Variants in TAX1BP1 observed in about 807,000 individuals in gnomAD.
TAX1BP1 encodes the protein tax1-binding protein 1.
A neutral mutation model predicts 97.7 loss-of-function variants in TAX1BP1; 62 were observed. The ratio of observed to expected loss-of-function variants is 0.63; its 90% CI spans 0.52 to 0.78. TAX1BP1 has a LOEUF of 0.78. TAX1BP1 is among the 30% of genes least tolerant of loss of function. The pLI is 0.00. For missense variants in TAX1BP1, 867 were observed against 916.1 expected, an observed-to-expected ratio of 0.95 and a Z score of 0.69; for synonymous variants, 340 against 304.2, an observed-to-expected ratio of 1.12 and a Z score of -1.23.
At chr7:27,818,199 G>A (rs181006244) in intron 15 of TAX1BP1, among the ~76,000 whole-genome samples, 1 of 152,152 alleles carries the variant, frequency 6.6e-6, no homozygotes, top group Non-Finnish European at 1.5e-5. Context: ...TTTCTGATCT[G>A]TGTGCTTTGC....
chr7:27,823,368 T>C (rs1791051587), intron 15 of TAX1BP1, among the ~76,000 whole-genome samples: 2 of 152,250 alleles, frequency 1.3e-5, no homozygotes, highest in African/African-American at 4.8e-5. Flanking sequence ...ACTCTTGAAC[T>C]AAAGTAATAA....
At chr7:27,796,296 T>C (rs1448049184) in intron 12 of TAX1BP1, 77 bp downstream of exon 12, 10 of 1,188,252 alleles carry the variant, frequency 8.4e-6, no homozygotes, top group East Asian at 7.4e-5. Context: ...TTTCAATTGA[T>C]TGGTATCTTT....
chr7:27,808,206 C>T (rs1430220935), intron 13 of TAX1BP1, among the ~76,000 whole-genome samples: 6 of 152,162 alleles, frequency 3.9e-5, no homozygotes, highest in Admixed American at 2.0e-4. Flanking sequence ...GGTTCTCCCC[C>T]TCTCTTTCCC....
chr7:27,785,008 T>A lies in TAX1BP1; in HGVS notation c.613-155T>A, dbSNP rs147943434. Among the ~76,000 whole-genome samples, 1,277 of 152,294 alleles carry A rather than the reference T, an allele frequency of 8.4e-3. 13 individuals carry two copies. Among genetic ancestry groups the A allele is most frequent in the African/African-American group, 0.029 (1,200 of 41,542 alleles). On this transcript the variant is annotated intron_variant, in intron 5 of 16. Transcript: ENST00000396319. ...TATATGAAAATTTAAATATATGTTA[T>A]CATTTCAAGTTTTATAGTCTTAGCT... is the stretch of plus-strand genomic sequence containing the variant.
At chr7:27,777,520 C>G (rs75344496) in intron 5 of TAX1BP1, among the ~76,000 whole-genome samples, 11,729 of 152,198 alleles carry the variant, frequency 0.077, 650 homozygotes, top group Middle Eastern at 0.12. Context: ...AGGCACTGTT[C>G]CCTGTAGTCC....
intron 5 of TAX1BP1, chr7:27,772,676 A>G (rs1176880145): frequency 6.6e-6 from 1 of 152,106 alleles, no homozygotes; most frequent in Admixed American, 6.6e-5. Context: ...GATAATTACA[A>G]TTCTTTAACT....
chr7:27,795,632 A>C (rs1583716669), intron 11 of TAX1BP1, among the ~76,000 whole-genome samples: 1 of 152,160 alleles, frequency 6.6e-6, no homozygotes, highest in East Asian at 1.9e-4. Flanking sequence ...AGCTCCCTGC[A>C]GCCTCTGCCT....
intron 1 of TAX1BP1, among the ~76,000 whole-genome samples, chr7:27,742,634 A>AT (rs1175523751): frequency 6.6e-6 from 1 of 152,076 alleles, no homozygotes; most frequent in African/African-American, 2.4e-5. Flanking sequence ...TACCCGGCAA[A>AT]TTTTTGTATT....
chr7:27,806,571 G>A (rs929459911), intron 13 of TAX1BP1, among the ~76,000 whole-genome samples: 1 of 152,150 alleles, frequency 6.6e-6, no homozygotes, highest in Non-Finnish European at 1.5e-5. Flanking sequence ...TCCATATGCA[G>A]TTGGGTCTCT....
chr7:27,756,938 C>T (rs1788242067), intron 2 of TAX1BP1, among the ~76,000 whole-genome samples: 1 of 152,092 alleles, frequency 6.6e-6, no homozygotes, highest in South Asian at 2.1e-4. Context: ...TTTCATGAAA[C>T]ACTTACCCTT....
At position 27,829,482 on chromosome 7, in the gene TAX1BP1, A is replaced by G. The variant is rs538936667; in HGVS notation, c.*653A>G. Reference sequence around the variant, plus strand: ...TATTTTTAAACTATCTTGAAGTTGTATGTATATATCTAATGGGAAAATGGA... The same window carrying G: ...TATTTTTAAACTATCTTGAAGTTGTGTGTATATATCTAATGGGAAAATGGA... On this transcript the variant is annotated 3_prime_UTR_variant, in exon 17 of 17. Coordinates refer to ENST00000396319, the MANE Select transcript of TAX1BP1 (RefSeq NM_006024.7). 6.6e-6 allele frequency: 1 copy of G among 152,328 alleles called. No individual in the cohort carries two copies. Among genetic ancestry groups the G allele is most frequent in the African/African-American group, 2.4e-5 (1 of 41,578 alleles). The allele number at this position is 152,328 out of a possible 1,614,324, so 9.4% of individuals were successfully genotyped here.
chr7:27,740,070 G>A (rs1232129071), upstream of TAX1BP1: 1 of 152,406 alleles, frequency 6.6e-6, no homozygotes, highest in Non-Finnish European at 1.5e-5. Flanking sequence ...CGTCGCGGAG[G>A]GGAGCGGCGA....
chr7:27,753,904 T>C (rs2237341), intron 2 of TAX1BP1, among the ~76,000 whole-genome samples: 40,443 of 152,128 alleles, frequency 0.27, 5,771 homozygotes, highest in East Asian at 0.52. Flanking sequence ...AAAGGATGAC[T>C]ACTGTAGTAA....
Position 27,748,626 on chromosome 7 carries a change from T to C in TAX1BP1, c.102T>C (p.Cys34=). The C allele has an allele frequency of 6.2e-7, 1 of 1,601,446 alleles. No homozygotes were observed. The highest frequency in any genetic ancestry group is 8.5e-7 in the Non-Finnish European group (1 of 1,172,896). The change falls in exon 2 of 17, where the codon TGT becomes TGC. Residue 34 remains cysteine, a synonymous_variant. Coordinates refer to ENST00000396319, the MANE Select transcript of TAX1BP1 (RefSeq NM_006024.7). ...ACCTTCCTAATGCACACCTGGAATG[T>C]CATTACACCTTAACTCCATATATTC... The part of the protein sequence containing the change: ...KSYLPNAHLE[C]HYTLTPYIHP...
chr7:27,814,387 T>A (rs958511592), intron 13 of TAX1BP1, among the ~76,000 whole-genome samples: 1 of 152,166 alleles, frequency 6.6e-6, no homozygotes, highest in South Asian at 2.1e-4. Context: ...ATTTTAGAAT[T>A]ATTTTGTTAA....
At position 27,748,587 on chromosome 7, in the gene TAX1BP1, TGTGGCCAAGA is replaced by T; in HGVS notation, c.66_75del (p.Ala23ThrfsTer13). The stretch of plus-strand genomic sequence containing the variant: ...ACTTTGCCCATGTCATCTTTCAAAA[TGTGGCCAAGA>T]GTTACCTTCCTAATGCACACCTGGA... On this transcript the variant is annotated frameshift_variant, in exon 2 of 17. Coordinates refer to ENST00000396319, the MANE Select transcript of TAX1BP1 (RefSeq NM_006024.7). LOFTEE classifies it high-confidence loss of function. 2 of 1,605,430 alleles carry T rather than the reference TGTGGCCAAGA, an allele frequency of 1.2e-6. No individual in the cohort carries two copies. Among genetic ancestry groups the T allele is most frequent in the South Asian group, 2.2e-5 (2 of 89,218 alleles).
chr7:27,796,716 G>C (rs1583718184), intron 12 of TAX1BP1, among the ~76,000 whole-genome samples: 1 of 151,898 alleles, frequency 6.6e-6, no homozygotes, highest in South Asian at 2.1e-4. Flanking sequence ...ACAAAAATTA[G>C]CCAGGCTGTG....
chr7:27,808,213 T>A lies in TAX1BP1; in HGVS notation c.1764+8123T>A, dbSNP rs73297508. Reference sequence around the variant, plus strand: ...GAAAATATGGTTCTCCCCCTCTCTTTCCCTCTCTGTATATTAAAAAATAGC... The same window carrying A: ...GAAAATATGGTTCTCCCCCTCTCTTACCCTCTCTGTATATTAAAAAATAGC... On this transcript the variant is annotated intron_variant, in intron 13 of 16. Coordinates refer to ENST00000396319, the MANE Select transcript of TAX1BP1 (RefSeq NM_006024.7). 7.5e-3 allele frequency among the ~76,000 whole-genome samples: 1,143 copies of A among 152,296 alleles called. 15 individuals are homozygous for A. The highest frequency in any genetic ancestry group is 0.026 in the African/African-American group (1,098 of 41,572).
chr7:27,813,340 CT>C (rs1790634046), intron 13 of TAX1BP1, among the ~76,000 whole-genome samples: 1 of 150,278 alleles, frequency 6.7e-6, no homozygotes, highest in African/African-American at 2.5e-5. Flanking sequence ...TTCTTGTTTT[CT>C]TTTCTTTTCT....
Sources: allele counts gnomAD v4.1 joint callset (sites outside exome capture counted in the v4.1 genomes callset), GRCh38; gene constraint gnomAD v4.1.1; transcripts MANE v1.5; gene names NCBI Gene and HGNC (gene_info 2026-07-23, HGNC 2026-07-21).